The following SUPT3H variants were observed in gnomAD, a reference collection of about 807,000 sequenced individuals.
The protein encoded by SUPT3H is transcription initiation protein SPT3 homolog.
In SUPT3H, 44 loss-of-function variants were observed where a neutral mutation model predicts 44.3. The observed-to-expected ratio is 0.99, with a 90% CI of 0.78 to 1.28. The LOEUF (loss-of-function observed/expected upper bound fraction) is 1.28, where lower values mean the gene tolerates loss of function less well. SUPT3H is among the 50% of genes most tolerant of loss of function. The probability of loss-of-function intolerance (pLI) is 0.00; values close to 1 mark genes in which losing one functional copy is unlikely to be tolerated. For missense variants in SUPT3H, 380 were observed against 387.1 expected, an observed-to-expected ratio of 0.98 and a Z score of 0.15; for synonymous variants, 124 against 125.6, an observed-to-expected ratio of 0.99 and a Z score of 0.09.
intron 2 of SUPT3H, chr6:45,322,038 T>C: frequency 1.8e-6 from 1 of 548,982 alleles, no homozygotes; most frequent in Admixed American, 3.5e-5. Context: ...AATAACTTAA[T>C]AAGAATCATG....
At chr6:45,111,742 G>C (rs902213664) in intron 2 of SUPT3H, among the ~76,000 whole-genome samples, 1 of 152,066 alleles carries the variant, frequency 6.6e-6, no homozygotes, top group Non-Finnish European at 1.5e-5. Flanking sequence ...TGAAGTTCAT[G>C]AGAGTCAGTG....
At chr6:45,359,673 C>T (rs1793890666) in intron 2 of SUPT3H, among the ~76,000 whole-genome samples, 1 of 152,096 alleles carries the variant, frequency 6.6e-6, no homozygotes, top group Admixed American at 6.6e-5. Flanking sequence ...AGTATACTTT[C>T]TTTTGGTTAC....
At chr6:45,041,429 T>C (rs1048564180) in intron 3 of SUPT3H, among the ~76,000 whole-genome samples, 2 of 152,172 alleles carry the variant, frequency 1.3e-5, no homozygotes, top group African/African-American at 2.4e-5. Context: ...CAAAGACTTC[T>C]GGACAGCAAA....
At chr6:45,311,584 A>T (rs1202128596) in intron 2 of SUPT3H, among the ~76,000 whole-genome samples, 2 of 152,206 alleles carry the variant, frequency 1.3e-5, no homozygotes, top group Non-Finnish European at 2.9e-5. Context: ...GTAACCTATA[A>T]AGGAAAACCT....
intron 6 of SUPT3H, among the ~76,000 whole-genome samples, chr6:44,998,036 C>G (rs79239688): frequency 6.6e-6 from 1 of 151,724 alleles, no homozygotes; most frequent in Non-Finnish European, 1.5e-5. Flanking sequence ...ATTAAAATTG[C>G]TAATACTTTA....
intron 3 of SUPT3H, among the ~76,000 whole-genome samples, chr6:45,104,081 G>C (rs530786191): frequency 2.0e-5 from 3 of 152,044 alleles, no homozygotes; most frequent in East Asian, 1.9e-4. Flanking sequence ...AAGTTACAAG[G>C]CTTCTTCAGG....
intron 3 of SUPT3H, among the ~76,000 whole-genome samples, chr6:45,051,559 A>C (rs1267347018): frequency 6.6e-6 from 1 of 151,544 alleles, no homozygotes; most frequent in Non-Finnish European, 1.5e-5. Context: ...GTATTTATAC[A>C]TATATCACAG....
chr6:44,856,760 C>A (rs1324500517), intron 10 of SUPT3H, among the ~76,000 whole-genome samples: 1 of 152,176 alleles, frequency 6.6e-6, no homozygotes. Flanking sequence ...CATGGTAACA[C>A]ATGAACACAA....
intron 3 of SUPT3H, among the ~76,000 whole-genome samples, chr6:45,051,785 T>C (rs1790339011): frequency 6.6e-6 from 1 of 152,134 alleles, no homozygotes; most frequent in South Asian, 2.1e-4. Flanking sequence ...ATTATAACTA[T>C]TGAGCATAAA....
chr6:45,021,686 A>AT lies in SUPT3H; in HGVS notation c.187-1055dup, dbSNP rs1335741770. 2.6e-5 allele frequency among the ~76,000 whole-genome samples: 4 copies of AT among 152,144 alleles called. No homozygotes were observed. In the East Asian group the frequency reaches 5.8e-4, roughly 22 times the overall value. ...AATCTTTAAAATGTGACACACTATT[A>AT]TCTCAACAAATATATGAAATCAAAT... On this transcript the variant is annotated intron_variant, in intron 3 of 10. Coordinates refer to ENST00000371459, the MANE Select transcript of SUPT3H (RefSeq NM_003599.4).
chr6:44,965,881 A>G (rs1776707471), intron 6 of SUPT3H, among the ~76,000 whole-genome samples: 1 of 152,120 alleles, frequency 6.6e-6, no homozygotes, highest in Admixed American at 6.5e-5. Flanking sequence ...TGCTGAGGCA[A>G]TGCTTTGCTT....
chr6:45,237,046 C>T (rs1199260605), intron 2 of SUPT3H, among the ~76,000 whole-genome samples: 2 of 151,964 alleles, frequency 1.3e-5, no homozygotes, highest in Admixed American at 6.6e-5. Flanking sequence ...GCCAGGAGAG[C>T]GTATAGCACA....
chr6:45,123,244 G>A (rs1326481971), intron 2 of SUPT3H, among the ~76,000 whole-genome samples: 1 of 152,066 alleles, frequency 6.6e-6, no homozygotes, highest in Non-Finnish European at 1.5e-5. Flanking sequence ...ATACCACACT[G>A]GTAAATGAGA....
At chr6:45,279,485 G>C (rs1777580678) in intron 2 of SUPT3H, among the ~76,000 whole-genome samples, 3 of 152,174 alleles carry the variant, frequency 2.0e-5, no homozygotes, top group Admixed American at 1.3e-4. Context: ...CTGTCCTCCT[G>C]AGAGTAAGTT....
chr6:44,972,161 C>T (rs116215029), intron 6 of SUPT3H, among the ~76,000 whole-genome samples: 2,251 of 152,270 alleles, frequency 0.015, 56 homozygotes, highest in African/African-American at 0.049. Flanking sequence ...GTCCCTTCCA[C>T]TTACAAGCCT....
At chr6:45,312,070 G>C (rs1454754439) in intron 2 of SUPT3H, among the ~76,000 whole-genome samples, 1 of 152,140 alleles carries the variant, frequency 6.6e-6, no homozygotes, top group Non-Finnish European at 1.5e-5. Flanking sequence ...ATTATCTGCT[G>C]CCTTCAGGAG....
intron 3 of SUPT3H, among the ~76,000 whole-genome samples, chr6:45,042,314 T>C (rs984475834): frequency 2.6e-5 from 4 of 152,092 alleles, no homozygotes; most frequent in Non-Finnish European, 4.4e-5. Context: ...TCCCAGCTAC[T>C]TGGGAGGCTG....
intron 2 of SUPT3H, among the ~76,000 whole-genome samples, chr6:45,267,758 T>TAAGG (rs1775491134): frequency 6.6e-6 from 1 of 152,054 alleles, no homozygotes. Context: ...GCCTAGGCCT[T>TAAGG]ACAAGGACTT....
At chr6:45,283,420 G>A (rs576827173) in intron 2 of SUPT3H, among the ~76,000 whole-genome samples, 2 of 152,056 alleles carry the variant, frequency 1.3e-5, no homozygotes, top group South Asian at 4.2e-4. Flanking sequence ...AACAAAAAAA[G>A]GCAGGGGTTG....
Sources: gnomAD v4.1 joint callset for allele counts (sites outside exome capture counted in the v4.1 genomes callset) on GRCh38, gnomAD v4.1.1 for gene constraint, MANE v1.5 for transcripts, NCBI Gene and HGNC (gene_info 2026-07-23, HGNC 2026-07-21) for gene names.